The following MECOM variants were observed in gnomAD, a reference collection of about 807,000 sequenced individuals.
The protein encoded by MECOM is MDS1 and EVI1 complex locus.
MECOM carries 13 observed loss-of-function variants against 116.3 expected under a neutral mutation model. The ratio of observed to expected loss-of-function variants is 0.11; its 90% confidence interval spans 0.07 to 0.18. The LOEUF is 0.18. Among genes scored for constraint, MECOM ranks in the 10% least tolerant of loss-of-function variants. The pLI, the probability that MECOM is intolerant of heterozygous loss-of-function variation, is 1.00. For missense variants in MECOM, 1,299 were observed against 1,509.0 expected (o/e 0.86, Z 2.31); for synonymous variants, 528 against 535.2 (o/e 0.99, Z 0.19).
chr3:169,144,501 A>C (rs911584510), intron 2 of MECOM, among the ~76,000 whole-genome samples: 1 of 152,206 alleles, frequency 6.6e-6, no homozygotes, highest in Admixed American at 6.5e-5. Context: ...CTCCTTGTGA[A>C]CAAATAAAAA....
intron 1 of MECOM, among the ~76,000 whole-genome samples, chr3:169,594,595 A>T (rs1010899587): frequency 5.3e-5 from 8 of 151,700 alleles, no homozygotes; most frequent in African/African-American, 1.9e-4. Context: ...AGTTTCCATT[A>T]GTCCTTCTCA....
chr3:169,245,070 CAT>C (rs2149564037), intron 2 of MECOM, among the ~76,000 whole-genome samples: 1 of 152,286 alleles, frequency 6.6e-6, no homozygotes, highest in African/African-American at 2.4e-5. Context: ...ATAAAAGAAT[CAT>C]ATGACTCCTT....
At chr3:169,324,137 G>A (rs563177866) in intron 2 of MECOM, among the ~76,000 whole-genome samples, 27 of 152,300 alleles carry the variant, frequency 1.8e-4, no homozygotes, top group African/African-American at 6.5e-4. Context: ...GGGGTGGAGA[G>A]GAAAGAGTGA....
At chr3:169,576,267 C>T (rs143143629) in intron 1 of MECOM, among the ~76,000 whole-genome samples, 3 of 152,200 alleles carry the variant, frequency 2.0e-5, no homozygotes, top group East Asian at 3.9e-4. Context: ...TATTATTTAA[C>T]GTTTATTAAG....
rs540073747 is a variant in MECOM at position 169,277,329 on chromosome 3, T to A, written c.375+103858A>T. 2.6e-5 allele frequency among the ~76,000 whole-genome samples: 4 copies of A among 152,298 alleles called. No homozygotes were observed. The East Asian group carries it at 7.7e-4, about 29-fold the overall frequency. ...AAAACAAAAAAGGGATAAGAAACAC[T>A]TTCTTACTTAAGAAAGAAAAACTTA... On this transcript the variant is annotated intron_variant, in intron 2 of 16. Coordinates refer to ENST00000651503, the MANE Select transcript of MECOM (RefSeq NM_004991.4).
rs1277950762 is a variant in MECOM, at chr3:169,110,669, G to A, written c.2577+2118C>T. On this transcript the variant is annotated intron_variant, in intron 9 of 16. Transcript: ENST00000651503. ...AGCAAATAAAACATTGGCAGTTGATGCAGCAAAAGCCTCCAGTATCCTGCT... is the reference window on the plus strand; with the variant it reads ...AGCAAATAAAACATTGGCAGTTGATACAGCAAAAGCCTCCAGTATCCTGCT... 6.6e-5 allele frequency among the ~76,000 whole-genome samples: 10 copies of A among 152,290 alleles called. No homozygotes were observed. The East Asian group carries it at 1.9e-3, about 29-fold the overall frequency.
chr3:169,361,179 A>G (rs1577853019), intron 2 of MECOM, among the ~76,000 whole-genome samples: 2 of 151,496 alleles, frequency 1.3e-5, no homozygotes, highest in African/African-American at 4.9e-5. Context: ...GCTCCACCGC[A>G]CTACAAGAAC....
intron 1 of MECOM, among the ~76,000 whole-genome samples, chr3:169,493,025 T>C (rs1308725783): frequency 1.3e-5 from 2 of 152,198 alleles, no homozygotes. Flanking sequence ...TTTTCTTATT[T>C]AAATAGAATA....
chr3:169,191,717 AAAAAAAGAAAGAAAGAAAGAAAGAG>A (rs1747603688), intron 2 of MECOM, among the ~76,000 whole-genome samples: 2 of 26,692 alleles, frequency 7.5e-5, no homozygotes, highest in African/African-American at 1.4e-4. Flanking sequence ...AGAAAGAAAG[AAAAAAAGAAAGAAAGAAAGAAAGAG>A]AAAGAAAGAA....
In MECOM at chr3:169,402,805, G is replaced by A. The variant is rs148629178; in HGVS notation, c.38-21281C>T. ...TCACCCTTATGTTCCTACACTTTAC[G>A]ATGTTCAATATTCTTTGGCAATCCT... On this transcript the variant is annotated intron_variant, in intron 1 of 16. Coordinates refer to ENST00000651503, the MANE Select transcript of MECOM (RefSeq NM_004991.4). 5.6e-3 allele frequency among the ~76,000 whole-genome samples: 849 copies of A among 152,128 alleles called. 6 individuals carry two copies. Among genetic ancestry groups the A allele is most frequent in the African/African-American group, 0.019 (807 of 41,514 alleles).
intron 1 of MECOM, among the ~76,000 whole-genome samples, chr3:169,657,686 C>T (rs1243600244): frequency 1.3e-5 from 2 of 152,198 alleles, no homozygotes; most frequent in Non-Finnish European, 2.9e-5. Flanking sequence ...ATCTGAACCA[C>T]ACTCAAATAA....
intron 2 of MECOM, among the ~76,000 whole-genome samples, chr3:169,299,457 G>A (rs1423795584): frequency 6.6e-6 from 1 of 152,220 alleles, no homozygotes; most frequent in Non-Finnish European, 1.5e-5. Flanking sequence ...TAGGCCTGGA[G>A]TATAAGATTA....
intron 12 of MECOM, among the ~76,000 whole-genome samples, chr3:169,099,728 CATT>C (rs1406980397): frequency 1.3e-5 from 2 of 152,036 alleles, no homozygotes; most frequent in African/African-American, 2.4e-5. Flanking sequence ...AGGAGAATGA[CATT>C]ATGATATTAC....
At chr3:169,383,922 G>A (rs995793205) in intron 1 of MECOM, among the ~76,000 whole-genome samples, 4 of 152,054 alleles carry the variant, frequency 2.6e-5, no homozygotes, top group Non-Finnish European at 5.9e-5. Flanking sequence ...ACCTCTGCCC[G>A]ACAAACTTCT....
At chr3:169,459,404 C>T (rs892014726) in intron 1 of MECOM, among the ~76,000 whole-genome samples, 3 of 152,182 alleles carry the variant, frequency 2.0e-5, no homozygotes, top group African/African-American at 7.2e-5. Context: ...AGTAAAACTT[C>T]ACTGGTTCAT....
rs1237906532 is a variant in MECOM, at chr3:169,441,744, T to TTTTTTG, written c.38-60221_38-60220insCAAAAA. 4.9e-5 allele frequency among the ~76,000 whole-genome samples: 7 copies of TTTTTTG among 142,022 alleles called. 3 individuals carry two copies. The highest frequency in any genetic ancestry group is 4.3e-4 in the East Asian group (2 of 4,682). The allele number at this position is 142,022 out of a possible 152,430, so 93.2% of individuals were successfully genotyped here. On this transcript the variant is annotated intron_variant, in intron 1 of 16. Coordinates refer to ENST00000651503, the MANE Select transcript of MECOM (RefSeq NM_004991.4). ...TCTTCTCTTCTTTTTTTTTTTTTTT[T>TTTTTTG]AAAAAAGGGGGGGTCTTGCTCTGTC...
Position 169,661,075 on chromosome 3 carries a change from G to C in MECOM, c.37+2261C>G, listed in dbSNP as rs1307030378. On this transcript the variant is annotated intron_variant, in intron 1 of 16. Transcript: ENST00000651503. ...AAACGAGGCTCAGTTTCTGGATGCT[G>C]AGTGGACTGTGCGTGCGGGAATATT... Among the ~76,000 whole-genome samples the C allele has an allele frequency of 3.9e-5, 6 of 152,234 alleles. No homozygotes were observed. In the East Asian group the frequency reaches 1.2e-3, roughly 29 times the overall value.
chr3:169,391,398 T>C (rs887544918), intron 1 of MECOM, among the ~76,000 whole-genome samples: 25 of 152,164 alleles, frequency 1.6e-4, no homozygotes, highest in African/African-American at 5.8e-4. Context: ...AAGCACAGTA[T>C]CTTCAGTGTT....
chr3:169,594,844 T>A (rs1050794894), intron 1 of MECOM, among the ~76,000 whole-genome samples: 1 of 128,630 alleles, frequency 7.8e-6, no homozygotes, highest in African/African-American at 2.9e-5. Context: ...CAAATAAACG[T>A]CACAGAATCT....
Sources: gnomAD v4.1 joint callset for allele counts (sites outside exome capture counted in the v4.1 genomes callset) on GRCh38, gnomAD v4.1.1 for gene constraint, MANE v1.5 for transcripts, NCBI Gene and HGNC (gene_info 2026-07-23, HGNC 2026-07-21) for gene names.